The following ANP32A variants were observed in gnomAD, a reference collection of about 807,000 sequenced individuals.
ANP32A encodes acidic leucine-rich nuclear phosphoprotein 32 family member A.
A neutral mutation model predicts 33.9 loss-of-function variants in ANP32A; 1 was observed. The observed-to-expected ratio is 0.03, with a 90% CI of 0.01 to 0.14. ANP32A has a LOEUF of 0.14. Among genes scored for constraint, ANP32A ranks in the 10% least tolerant of loss-of-function variants. The pLI is 1.00. For missense variants in ANP32A, 155 were observed against 306.0 expected (o/e 0.51, Z 3.68); for synonymous variants, 115 against 120.5 (o/e 0.95, Z 0.30).
intron 1 of ANP32A, 115 bp from the exon 2 acceptor site, chr15:68,788,034 T>C: frequency 7.9e-7 from 1 of 1,259,680 alleles, no homozygotes; most frequent in Non-Finnish European, 1.1e-6. Context: ...AGTCAGTCAC[T>C]CCGTCACTTC....
intron 1 of ANP32A, among the ~76,000 whole-genome samples, chr15:68,818,589 C>T (rs1189472686): frequency 6.6e-6 from 1 of 151,904 alleles, no homozygotes; most frequent in African/African-American, 2.4e-5. Context: ...AGAAATCGCT[C>T]CCAGTACGGC....
intron 1 of ANP32A, chr15:68,790,111 G>C (rs554476002): frequency 2.0e-5 from 3 of 152,304 alleles, no homozygotes; most frequent in Non-Finnish European, 4.4e-5. Flanking sequence ...CTGGAGTCAC[G>C]TGGCCCACAG....
chr15:68,785,114 T>G (rs1393442689), intron 3 of ANP32A, among the ~76,000 whole-genome samples: 1 of 152,206 alleles, frequency 6.6e-6, no homozygotes, highest in Non-Finnish European at 1.5e-5. Context: ...AATTATTAGT[T>G]AATTTCACAT....
intron 1 of ANP32A, among the ~76,000 whole-genome samples, chr15:68,807,595 C>T (rs186410739): frequency 6.6e-6 from 1 of 152,326 alleles, no homozygotes; most frequent in East Asian, 1.9e-4. Context: ...CCACCCCCAC[C>T]GCTGACCAAA....
chr15:68,804,329 C>T lies in ANP32A; in HGVS notation c.54+16369G>A, dbSNP rs558761122. 2.6e-5 allele frequency among the ~76,000 whole-genome samples: 4 copies of T among 152,248 alleles called. No individual in the cohort carries two copies. In the East Asian group the frequency reaches 5.8e-4, roughly 22 times the overall value. The stretch of plus-strand genomic sequence containing the variant: ...TCCAAGCACAGCTCCTCAGTACTAC[C>T]TGACCTTAGGTTGGTTACTTAACCT... On this transcript the variant is annotated intron_variant, in intron 1 of 6. Coordinates refer to ENST00000465139, the MANE Select transcript of ANP32A (RefSeq NM_006305.4).
intron 3 of ANP32A, among the ~76,000 whole-genome samples, chr15:68,786,469 A>G (rs1343114070): frequency 6.6e-6 from 1 of 152,102 alleles, no homozygotes; most frequent in East Asian, 1.9e-4. Flanking sequence ...CATGTTGGCC[A>G]GGCTGGTCTC....
At chr15:68,787,715 C>A in intron 2 of ANP32A, 55 bp downstream of exon 2, 2 of 1,608,244 alleles carry the variant, frequency 1.2e-6, no homozygotes, top group Non-Finnish European at 1.7e-6. Context: ...TAGGTAATAA[C>A]CCTTCCCACT....
intron 1 of ANP32A, among the ~76,000 whole-genome samples, chr15:68,807,040 G>A (rs772958889): frequency 2.0e-5 from 3 of 152,260 alleles, no homozygotes; most frequent in Non-Finnish European, 2.9e-5. Context: ...ACCAGACAGA[G>A]AGAAAGCCAC....
At chr15:68,809,185 C>A (rs535006085) in intron 1 of ANP32A, among the ~76,000 whole-genome samples, 1 of 152,174 alleles carries the variant, frequency 6.6e-6, no homozygotes, top group African/African-American at 2.4e-5. Flanking sequence ...AGCTGACACA[C>A]GGCAGTGGAG....
intron 1 of ANP32A, among the ~76,000 whole-genome samples, chr15:68,807,395 T>C (rs532041640): frequency 7.1e-6 from 1 of 141,586 alleles, no homozygotes; most frequent in East Asian, 2.2e-4. Context: ...GCAGCTTGGC[T>C]GGTATTCCTC....
chr15:68,786,778 G>A (rs1321006992), intron 3 of ANP32A, among the ~76,000 whole-genome samples: 1 of 152,182 alleles, frequency 6.6e-6, no homozygotes, highest in Non-Finnish European at 1.5e-5. Flanking sequence ...CTTAGGGGAT[G>A]TCTATCTCTA....
At chr15:68,812,684 G>C (rs1894328875) in intron 1 of ANP32A, among the ~76,000 whole-genome samples, 1 of 152,160 alleles carries the variant, frequency 6.6e-6, no homozygotes, top group African/African-American at 2.4e-5. Context: ...AACAAATAAT[G>C]AAACTAATTT....
chr15:68,795,445 G>T (rs1894051829), intron 1 of ANP32A, among the ~76,000 whole-genome samples: 1 of 152,242 alleles, frequency 6.6e-6, no homozygotes, highest in Non-Finnish European at 1.5e-5. Flanking sequence ...CGCTGCAGCG[G>T]TAATTAAGCT....
At position 68,820,880 on chromosome 15, in the gene ANP32A, A is replaced by T. The variant is rs976796549; in HGVS notation, c.-129T>A. The T allele has an allele frequency of 9.0e-7, 1 of 1,106,498 alleles. No homozygotes were observed. The highest frequency in any genetic ancestry group is 2.6e-5 in the East Asian group (1 of 38,584). 68.5% of individuals were successfully genotyped at this position (1,106,498 alleles called of 1,614,324 possible). A position where few individuals can be genotyped will look rare whatever the true frequency, so the allele number is the denominator to read the frequency against. On this transcript the variant is annotated 5_prime_UTR_variant, in exon 1 of 7. Transcript: ENST00000465139. ...TCCGCTCGGTTCTCGAGCCCCCAGC[A>T]CCCGCGGCGCACACTAACCTGATCG...
chr15:68,779,944 C>A lies in ANP32A; in HGVS notation c.*137G>T, dbSNP rs1050989131. ...CCCCCGCAACCCCCAGTACACTCTT[C>A]CCCTCTCGTTCCCACAGCAACGTTA... On this transcript the variant is annotated 3_prime_UTR_variant, in exon 7 of 7. Coordinates refer to ENST00000465139, the MANE Select transcript of ANP32A (RefSeq NM_006305.4). The A allele has an allele frequency of 6.4e-5, 28 of 436,018 alleles. No individual in the cohort carries two copies. The highest frequency in any genetic ancestry group is 7.3e-5 in the Non-Finnish European group (18 of 247,898). The allele number at this position is 436,018 out of a possible 1,614,324, so 27.0% of individuals were successfully genotyped here.
At position 68,779,778 on chromosome 15, in the gene ANP32A, T is replaced by A; in HGVS notation, c.*303A>T. ...AACTCCAAACCATCCTCTTTGAGAG[T>A]CAGGAACAAATGCTCACTTAGTGTG... is the stretch of plus-strand genomic sequence containing the variant. On this transcript the variant is annotated 3_prime_UTR_variant, in exon 7 of 7. Coordinates refer to ENST00000465139, the MANE Select transcript of ANP32A (RefSeq NM_006305.4). 3.3e-6 allele frequency: 1 copy of A among 305,620 alleles called. No homozygotes were observed. 18.9% of individuals were successfully genotyped at this position (305,620 alleles called of 1,614,324 possible).
At position 68,784,473 on chromosome 15, in the gene ANP32A, C is replaced by T; in HGVS notation, c.450G>A (p.Arg150=). Reference sequence around the variant, plus strand: ...CCGAGTCAGGGGCCTCCTTGTCGTCCCGGTCATAGCCGTCGAGATATGTGA... The same window carrying T: ...CCGAGTCAGGGGCCTCCTTGTCGTCTCGGTCATAGCCGTCGAGATATGTGA... The part of the protein sequence containing the change: ...PQLTYLDGYD[R]DDKEAPDSDA... Residue 150 remains arginine (R), a synonymous_variant, in exon 4 of 7, where the codon CGG becomes CGA. Coordinates refer to ENST00000465139, the MANE Select transcript of ANP32A (RefSeq NM_006305.4). 6.2e-7 allele frequency: 1 copy of T among 1,614,172 alleles called. No homozygotes were observed. Among genetic ancestry groups the T allele is most frequent in the Non-Finnish European group, 8.5e-7 (1 of 1,180,028 alleles).
chr15:68,807,815 C>T (rs1894256494), intron 1 of ANP32A, among the ~76,000 whole-genome samples: 1 of 152,198 alleles, frequency 6.6e-6, no homozygotes, highest in Non-Finnish European at 1.5e-5. Flanking sequence ...GCCCACTGTA[C>T]CTGACTGCCT....
intron 5 of ANP32A, 122 bp downstream of exon 5, chr15:68,782,834 T>C: frequency 6.8e-7 from 1 of 1,473,674 alleles, no homozygotes; most frequent in Non-Finnish European, 9.0e-7. Context: ...CTCACTTCAC[T>C]ACCCATCGGG....
Sources: allele counts gnomAD v4.1 joint callset (sites outside exome capture counted in the v4.1 genomes callset), GRCh38; gene constraint gnomAD v4.1.1; transcripts MANE v1.5; gene names NCBI Gene and HGNC (gene_info 2026-07-23, HGNC 2026-07-21).